Variants in RGS6 observed in about 807,000 individuals in gnomAD.
RGS6 encodes regulator of G-protein signaling 6.
In RGS6, 30 loss-of-function variants were observed where a neutral mutation model predicts 78.5. That is an observed-to-expected ratio of 0.38 (90% CI 0.29 to 0.52). The LOEUF (loss-of-function observed/expected upper bound fraction) is 0.52. RGS6 is among the 20% of genes least tolerant of loss of function. The pLI is 0.85. For missense variants in RGS6, 495 were observed against 609.7 expected, an observed-to-expected ratio of 0.81 and a Z score of 1.98; for synonymous variants, 206 against 206.0, an observed-to-expected ratio of 1.00 and a Z score of 0.00.
intron 2 of RGS6, among the ~76,000 whole-genome samples, chr14:72,215,256 A>G (rs561138474): frequency 2.0e-5 from 3 of 152,306 alleles, no homozygotes; most frequent in African/African-American, 7.2e-5. Flanking sequence ...TCAGCCAGAG[A>G]CATGACCTTC....
At chr14:72,006,405 C>T (rs2084564781) in intron 2 of RGS6, among the ~76,000 whole-genome samples, 1 of 152,194 alleles carries the variant, frequency 6.6e-6, no homozygotes, top group African/African-American at 2.4e-5. Context: ...TATGTCACTT[C>T]CAAGATTAGG....
intron 2 of RGS6, among the ~76,000 whole-genome samples, chr14:72,172,323 T>G (rs17179828): frequency 0.065 from 9,853 of 151,266 alleles, 398 homozygotes; most frequent in Non-Finnish European, 0.095. Context: ...GCCGGTGTAT[T>G]TTACAAATGT....
At chr14:71,881,688 T>C in the RGS6 span, among the ~76,000 whole-genome samples, 1 of 152,216 alleles carries the variant, frequency 6.6e-6, no homozygotes, top group Non-Finnish European at 1.5e-5. Context: ...ACTCTTTTTC[T>C]TTATAAATTA....
chr14:71,889,847 T>A, the RGS6 span, among the ~76,000 whole-genome samples: 143 of 152,300 alleles, frequency 9.4e-4, 1 homozygote, highest in Middle Eastern at 0.024. Context: ...ATTCTCATGA[T>A]GCTGAGTGAG....
chr14:72,241,225 G>C (rs557677206), intron 2 of RGS6, among the ~76,000 whole-genome samples: 112 of 149,650 alleles, frequency 7.5e-4, no homozygotes, highest in African/African-American at 2.6e-3. Flanking sequence ...AAGAAAAAAA[G>C]CCTGGCATTT....
chr14:72,550,480 C>A (rs1485196591), intron 17 of RGS6: 2 of 1,535,658 alleles, frequency 1.3e-6, no homozygotes, highest in African/African-American at 2.7e-5. Flanking sequence ...CAAGCAAGGA[C>A]CGAAAGCCTG....
intron 2 of RGS6, among the ~76,000 whole-genome samples, chr14:72,160,028 G>C (rs780426129): frequency 1.3e-5 from 2 of 152,148 alleles, no homozygotes; most frequent in Non-Finnish European, 2.9e-5. Flanking sequence ...TTACCGATTA[G>C]ATTGTGAGCT....
chr14:72,079,391 T>A (rs1327637641), intron 2 of RGS6, among the ~76,000 whole-genome samples: 1 of 152,222 alleles, frequency 6.6e-6, no homozygotes, highest in African/African-American at 2.4e-5. Flanking sequence ...CACTATTCTT[T>A]TACAGTTTTA....
the RGS6 span, among the ~76,000 whole-genome samples, chr14:72,587,126 C>G: frequency 3.3e-5 from 5 of 152,178 alleles, no homozygotes; most frequent in Non-Finnish European, 7.3e-5. Context: ...CTCTGTGTTT[C>G]TGGTAGCTGA....
chr14:71,895,892 A>G, the RGS6 span, among the ~76,000 whole-genome samples: 2 of 152,208 alleles, frequency 1.3e-5, no homozygotes, highest in East Asian at 3.9e-4. Flanking sequence ...TTCTGCTCAG[A>G]GAGAGCGAGG....
chr14:72,482,378 C>G (rs751333961), intron 12 of RGS6, among the ~76,000 whole-genome samples: 2 of 152,180 alleles, frequency 1.3e-5, no homozygotes, highest in Non-Finnish European at 2.9e-5. Flanking sequence ...ACCCTTCCCC[C>G]CAACACCCAA....
At chr14:72,113,409 G>A (rs2153554078) in intron 2 of RGS6, among the ~76,000 whole-genome samples, 1 of 152,288 alleles carries the variant, frequency 6.6e-6, no homozygotes, top group East Asian at 1.9e-4. Context: ...TTCAAACTGT[G>A]GTGGGTTGAG....
chr14:72,155,851 A>G (rs1465088537), intron 2 of RGS6, among the ~76,000 whole-genome samples: 2 of 152,178 alleles, frequency 1.3e-5, no homozygotes, highest in African/African-American at 2.4e-5. Context: ...TGGTATTGTC[A>G]TTACTGACCT....
chr14:72,042,202 A>ACCGCAACCTCTGCCTCCCAGGTTC (rs2092474697), intron 2 of RGS6, among the ~76,000 whole-genome samples: 1 of 144,388 alleles, frequency 6.9e-6, no homozygotes, highest in Admixed American at 7.3e-5. Flanking sequence ...GTCTCAGTTT[A>ACCGCAACCTCTGCCTCCCAGGTTC]CCGCAACCTC....
At chr14:72,515,720 C>T (rs1393371563) in intron 14 of RGS6, 1 of 152,220 alleles carries the variant, frequency 6.6e-6, no homozygotes, top group Non-Finnish European at 1.5e-5. Context: ...TCTCTATATC[C>T]AGCTGAGTGA....
chr14:72,237,254 G>A (rs1333972682), intron 2 of RGS6, among the ~76,000 whole-genome samples: 5 of 151,970 alleles, frequency 3.3e-5, no homozygotes, highest in Non-Finnish European at 7.4e-5. Context: ...TTTACTTATC[G>A]ATGGTCACCT....
At chr14:72,382,078 A>G (rs569114998) in intron 3 of RGS6, among the ~76,000 whole-genome samples, 7 of 152,194 alleles carry the variant, frequency 4.6e-5, no homozygotes, top group Middle Eastern at 3.4e-3. Flanking sequence ...AATTAATTAA[A>G]GTCATGTAGA....
intron 3 of RGS6, among the ~76,000 whole-genome samples, chr14:72,411,376 T>C (rs2093401164): frequency 6.6e-6 from 1 of 152,202 alleles, no homozygotes; most frequent in African/African-American, 2.4e-5. Context: ...TTGTCTGTTA[T>C]TGGTGTATAA....
chr14:72,234,063 G>C (rs543671068), intron 2 of RGS6, among the ~76,000 whole-genome samples: 1 of 152,272 alleles, frequency 6.6e-6, no homozygotes, highest in South Asian at 2.1e-4. Context: ...GAGATGGGGA[G>C]AGTCAAATTC....
Sources: allele counts gnomAD v4.1 joint callset (sites outside exome capture counted in the v4.1 genomes callset), GRCh38; gene constraint gnomAD v4.1.1; transcripts MANE v1.5; gene names NCBI Gene and HGNC (gene_info 2026-07-23, HGNC 2026-07-21).